The following RNF220 variants were observed in gnomAD, a reference collection of about 807,000 sequenced individuals.
The protein encoded by RNF220 is ring finger protein 220.
RNF220 carries 7 observed loss-of-function variants against 67.1 expected under a neutral mutation model. The observed-to-expected ratio is 0.10, with a 90% CI of 0.06 to 0.20. The LOEUF is 0.20. RNF220 is among the 10% of genes least tolerant of loss of function. The pLI is 1.00. For synonymous variants in RNF220, 270 were observed against 283.2 expected, an observed-to-expected ratio of 0.95 and a Z score of 0.47; for missense variants, 565 against 740.3, an observed-to-expected ratio of 0.76 and a Z score of 2.75.
intron 2 of RNF220, among the ~76,000 whole-genome samples, chr1:44,517,771 T>G (rs1372397577): frequency 6.6e-6 from 1 of 152,212 alleles, no homozygotes; most frequent in Non-Finnish European, 1.5e-5. Flanking sequence ...AAAAGGAATA[T>G]TAAATTAAAT....
Position 44,622,683 on chromosome 1 carries a change from C to A in RNF220, c.759-59C>A. 1 of 1,496,426 alleles carries A rather than the reference C, an allele frequency of 6.7e-7. No individual in the cohort carries two copies. The highest frequency in any genetic ancestry group is 9.3e-7 in the Non-Finnish European group (1 of 1,073,436). The allele number at this position is 1,496,426 out of a possible 1,614,324, so 92.7% of individuals were successfully genotyped here. A position where few individuals can be genotyped will look rare whatever the true frequency, so the allele number is the denominator to read the frequency against. On this transcript the variant is annotated intron_variant, in intron 3 of 14. Transcript: ENST00000361799. This position sits in a 1 kb window ranked among gnomAD's most constrained non-coding sequence, Gnocchi z 4.3. ...TCTTTGGGGTCTTCTTGCTACTCTA[C>A]CGTTGCATGCCCTGGGCAGCAGGTA...
chr1:44,438,539 G>A (rs1651218725), intron 2 of RNF220, among the ~76,000 whole-genome samples: 1 of 152,222 alleles, frequency 6.6e-6, no homozygotes, highest in African/African-American at 2.4e-5. Context: ...CTAGGTGCCA[G>A]GCAATTTTAG....
intron 2 of RNF220, among the ~76,000 whole-genome samples, chr1:44,443,418 G>A (rs1018741000): frequency 7.2e-5 from 11 of 152,158 alleles, no homozygotes; most frequent in African/African-American, 2.7e-4. Context: ...CACTGTTGCA[G>A]TAGGCTCCTA....
intron 2 of RNF220, among the ~76,000 whole-genome samples, chr1:44,500,955 G>T (rs1268385245): frequency 1.3e-5 from 2 of 152,044 alleles, no homozygotes; most frequent in Non-Finnish European, 2.9e-5. Flanking sequence ...CTTCTGTCCT[G>T]TCAGAGAGTG....
At chr1:44,439,068 C>T (rs1451060109) in intron 2 of RNF220, among the ~76,000 whole-genome samples, 3 of 152,140 alleles carry the variant, frequency 2.0e-5, no homozygotes, top group African/African-American at 7.2e-5. Context: ...CAGAGAACAT[C>T]TTTGTGAATT....
chr1:44,588,286 G>A (rs1430369231), intron 2 of RNF220, among the ~76,000 whole-genome samples: 2 of 152,216 alleles, frequency 1.3e-5, no homozygotes, highest in African/African-American at 2.4e-5. Flanking sequence ...CTACTTGACC[G>A]CATCTCTCCT....
intron 2 of RNF220, among the ~76,000 whole-genome samples, chr1:44,452,190 A>G (rs1404718187): frequency 2.0e-5 from 3 of 152,024 alleles, no homozygotes; most frequent in Non-Finnish European, 4.4e-5. Flanking sequence ...GGATTTTTTT[A>G]TTTTTGGTCC....
intron 1 of RNF220, among the ~76,000 whole-genome samples, chr1:44,411,708 A>C (rs1020066265): frequency 6.6e-6 from 1 of 152,162 alleles, no homozygotes; most frequent in African/African-American, 2.4e-5. Flanking sequence ...TGGAGGTTTT[A>C]TGATATTTTT....
intron 2 of RNF220, among the ~76,000 whole-genome samples, chr1:44,438,432 G>A (rs1368279538): frequency 6.6e-6 from 1 of 152,140 alleles, no homozygotes; most frequent in East Asian, 1.9e-4. Context: ...CTGTACTTCA[G>A]TTTTACTTTG....
chr1:44,418,642 C>CA (rs11353047), intron 2 of RNF220, among the ~76,000 whole-genome samples: 12 of 148,784 alleles, frequency 8.1e-5, no homozygotes, highest in South Asian at 2.1e-4. Flanking sequence ...TGTTTGAAAA[C>CA]AAAAAAAAAA....
rs141741290 is a variant in RNF220, at chr1:44,596,867, T to C, written c.626-17298T>C. On this transcript the variant is annotated intron_variant, in intron 2 of 14. Coordinates refer to ENST00000361799, the MANE Select transcript of RNF220 (RefSeq NM_018150.4). ...TTGCCCAAGAACTAAATGAATGTGA[T>C]TGCCCACCAGTGTTTGCCATTAGTG... Among the ~76,000 whole-genome samples, 292 of 152,358 alleles carry C rather than the reference T, an allele frequency of 1.9e-3. 12 individuals are homozygous for C. The East Asian group carries it at 0.046, about 24-fold the overall frequency.
intron 2 of RNF220, among the ~76,000 whole-genome samples, chr1:44,469,594 T>G (rs1654616279): frequency 6.6e-6 from 1 of 152,214 alleles, no homozygotes; most frequent in Non-Finnish European, 1.5e-5. Context: ...AAATATTTAC[T>G]GAGTTCCTTC....
At chr1:44,431,317 C>G (rs2147867035) in intron 2 of RNF220, among the ~76,000 whole-genome samples, 1 of 152,024 alleles carries the variant, frequency 6.6e-6, no homozygotes, top group South Asian at 2.1e-4. Flanking sequence ...TGGTGAAACC[C>G]TGTCTCTTCT....
In RNF220 at chr1:44,614,189, T is replaced by G. The variant is rs1487528191; in HGVS notation, c.650T>G (p.Phe217Cys). 6.2e-7 allele frequency: 1 copy of G among 1,614,088 alleles called. No homozygotes were observed. Among genetic ancestry groups the G allele is most frequent in the Non-Finnish European group, 8.5e-7 (1 of 1,180,026 alleles). ...GGTAAGAAGAAAGCAGCGGCATTGTTCGACAGCCAGGCCCCAATTTGCCCC... is the reference window on the plus strand; with the variant it reads ...GGTAAGAAGAAAGCAGCGGCATTGTGCGACAGCCAGGCCCCAATTTGCCCC... ...DRCKKKAAAL[F>C]DSQAPICPIC... is the part of the protein sequence containing the mutation. The change falls in exon 3 of 15, where the codon TTC becomes TGC. Residue 217 changes from phenylalanine (F) to cysteine (C), a missense_variant. Phe to Cys is a radical substitution (Grantham distance 205). Transcript: ENST00000361799.
intron 2 of RNF220, among the ~76,000 whole-genome samples, chr1:44,608,038 C>T (rs1466250471): frequency 4.6e-5 from 7 of 152,004 alleles, no homozygotes; most frequent in Admixed American, 4.6e-4. Context: ...ATCCTCCTGC[C>T]TCAGCCTCCC....
intron 2 of RNF220, among the ~76,000 whole-genome samples, chr1:44,445,379 A>G (rs1651969914): frequency 6.6e-6 from 1 of 152,144 alleles, no homozygotes; most frequent in African/African-American, 2.4e-5. Flanking sequence ...CTGTTGTTGT[A>G]ATTCCCGTCC....
chr1:44,518,880 C>CAAAA (rs199912972), intron 2 of RNF220, among the ~76,000 whole-genome samples: 1 of 136,312 alleles, frequency 7.3e-6, no homozygotes, highest in Non-Finnish European at 1.6e-5. Flanking sequence ...GTCTAAAAAA[C>CAAAA]AAAAAAAACA....
chr1:44,570,721 G>C (rs551798180), intron 2 of RNF220, among the ~76,000 whole-genome samples: 32 of 152,246 alleles, frequency 2.1e-4, no homozygotes, highest in African/African-American at 7.7e-4. Context: ...CAATCTTCCT[G>C]CTTCCTTTCC....
chr1:44,424,155 G>C (rs551525052), intron 2 of RNF220: 3 of 284,398 alleles, frequency 1.1e-5, no homozygotes, highest in South Asian at 2.7e-4. Context: ...TAGCTAAACT[G>C]TATATATGAA....
Sources: gnomAD v4.1 joint callset for allele counts (sites outside exome capture counted in the v4.1 genomes callset) on GRCh38, gnomAD v4.1.1 for gene constraint, Gnocchi (gnomAD v3.1) non-coding constraint, MANE v1.5 for transcripts, NCBI Gene and HGNC (gene_info 2026-07-23, HGNC 2026-07-21) for gene names.